The following ZNF592 variants were observed in gnomAD, a reference collection of about 807,000 sequenced individuals.
ZNF592 encodes spinocerebellar ataxia, autosomal recessive 5.
Under a neutral mutation model 80.3 loss-of-function variants are expected in ZNF592, and 11 were observed. That is an observed-to-expected ratio of 0.14 (90% CI 0.09 to 0.23). The LOEUF (loss-of-function observed/expected upper bound fraction) is 0.23, where lower values mean the gene tolerates loss of function less well. ZNF592 is among the 10% of genes least tolerant of loss of function. The probability of loss-of-function intolerance (pLI) is 1.00; values close to 1 mark genes in which losing one functional copy is unlikely to be tolerated. For missense variants in ZNF592, 1,420 were observed against 1,633.9 expected, an observed-to-expected ratio of 0.87 and a Z score of 2.26; for synonymous variants, 646 against 640.3, an observed-to-expected ratio of 1.01 and a Z score of -0.13.
chr15:84,786,834 T>TA (rs1238790515), intron 4 of ZNF592, among the ~76,000 whole-genome samples: 1 of 148,508 alleles, frequency 6.7e-6, no homozygotes, highest in Admixed American at 6.7e-5. Flanking sequence ...CACTGGTCCT[T>TA]ACGTATCTTT....
At chr15:84,768,608 G>T (rs1434467352) in intron 2 of ZNF592, among the ~76,000 whole-genome samples, 1 of 152,012 alleles carries the variant, frequency 6.6e-6, no homozygotes, top group Non-Finnish European at 1.5e-5. Flanking sequence ...CTCAGAGCTA[G>T]CCTTTTCTTT....
intron 5 of ZNF592, among the ~76,000 whole-genome samples, chr15:84,791,233 T>C (rs1287869118): frequency 6.6e-6 from 1 of 152,234 alleles, no homozygotes; most frequent in African/African-American, 2.4e-5. Context: ...GTTTCAATAA[T>C]GAATGTACTA....
In ZNF592 at chr15:84,798,052, G is replaced by A. The variant is rs566823745; in HGVS notation, c.2576+7G>A. Reference sequence around the variant, plus strand: ...AGCCCCACAGACCCTCCCAGTGAGTGCAGCTCCAGGGCCAGCAGGCCCTGT... The same window carrying A: ...AGCCCCACAGACCCTCCCAGTGAGTACAGCTCCAGGGCCAGCAGGCCCTGT... On this transcript the variant is annotated splice_region_variant and intron_variant, in intron 6 of 10. Transcript: ENST00000560079. The surrounding 1 kb of genome is among the most constrained non-coding windows in gnomAD (Gnocchi z 4.5). 3 of 1,613,536 alleles carry A rather than the reference G, an allele frequency of 1.9e-6. No individual in the cohort carries two copies. The South Asian group carries it at 3.3e-5, about 18-fold the overall frequency.
intron 1 of ZNF592, 107 bp from the exon 2 acceptor site, chr15:84,764,596 TCTTA>T: frequency 2.6e-6 from 1 of 390,908 alleles, no homozygotes; most frequent in Non-Finnish European, 4.5e-6. Flanking sequence ...TTTCTCAGGG[TCTTA>T]CTTACACTTG....
chr15:84,751,967 G>T (rs970760461), intron 1 of ZNF592, among the ~76,000 whole-genome samples: 23 of 151,994 alleles, frequency 1.5e-4, no homozygotes, highest in African/African-American at 5.6e-4. Context: ...TCACTATGCT[G>T]CCCAGGCTGG....
In ZNF592 at chr15:84,804,376, T is replaced by C. The variant is rs1457601740; in HGVS notation, c.*1983T>C. 1 of 152,226 alleles carries C rather than the reference T, an allele frequency of 6.6e-6. No homozygotes were observed. Among genetic ancestry groups the C allele is most frequent in the Non-Finnish European group, 1.5e-5 (1 of 68,060 alleles). 9.4% of individuals were successfully genotyped at this position (152,226 alleles called of 1,614,324 possible). A position where few individuals can be genotyped will look rare whatever the true frequency, so the allele number is the denominator to read the frequency against. On this transcript the variant is annotated 3_prime_UTR_variant, in exon 11 of 11. Coordinates refer to ENST00000560079, the MANE Select transcript of ZNF592 (RefSeq NM_014630.3). Reference sequence around the variant, plus strand: ...TGGATCCCTTCCTGCTCAGACACAGTGGTAGCTGGAGAGCAGGCAGAGATG... The same window carrying C: ...TGGATCCCTTCCTGCTCAGACACAGCGGTAGCTGGAGAGCAGGCAGAGATG...
intron 5 of ZNF592, among the ~76,000 whole-genome samples, chr15:84,794,443 T>A (rs982853256): frequency 2.0e-5 from 3 of 152,096 alleles, no homozygotes; most frequent in Non-Finnish European, 4.4e-5. Flanking sequence ...GTTTCCCTGA[T>A]GGTTAACGGT....
At chr15:84,765,983 G>A (rs1432473686) in intron 2 of ZNF592, among the ~76,000 whole-genome samples, 1 of 150,984 alleles carries the variant, frequency 6.6e-6, no homozygotes, top group African/African-American at 2.4e-5. Context: ...CTCAGATTCG[G>A]TAGTTATCAA....
chr15:84,783,982 G>T lies in ZNF592; in HGVS notation c.1307G>T (p.Gly436Val). Residue 436 changes from glycine to valine, a missense_variant, in exon 4 of 11, where the codon GGC becomes GTC. Physicochemically the swap from Gly to Val is moderately radical, Grantham distance 109. Transcript: ENST00000560079. The surrounding 1 kb of genome is among the most constrained non-coding windows in gnomAD (Gnocchi z 5.0). ...VPVEEHFPEA[G>V]TNSGSPQGAR... is the part of the protein sequence containing the mutation. The stretch of plus-strand genomic sequence containing the variant: ...GTGGAAGAGCACTTTCCTGAGGCAG[G>T]CACAAATTCAGGGAGCCCCCAGGGG... 1 of 1,612,178 alleles carries T rather than the reference G, an allele frequency of 6.2e-7. No homozygotes were observed. The highest frequency in any genetic ancestry group is 8.5e-7 in the Non-Finnish European group (1 of 1,178,470).
chr15:84,797,741 G>A (rs1962958152), intron 5 of ZNF592, 128 bp from the exon 6 acceptor site: 1 of 1,083,698 alleles, frequency 9.2e-7, no homozygotes, highest in Admixed American at 1.8e-5. Flanking sequence ...AAGTCCAAGT[G>A]ATTGAGGGAG....
At chr15:84,750,699 G>C (rs72630463) in intron 1 of ZNF592, among the ~76,000 whole-genome samples, 1 of 152,032 alleles carries the variant, frequency 6.6e-6, no homozygotes, top group East Asian at 1.9e-4. Flanking sequence ...TGAGTTGGGG[G>C]CTCAGGGAAG....
chr15:84,783,903 C>G lies in ZNF592; in HGVS notation c.1228C>G (p.Leu410Val). 1 of 1,614,178 alleles carries G rather than the reference C, an allele frequency of 6.2e-7. No individual in the cohort carries two copies. Among genetic ancestry groups the G allele is most frequent in the Non-Finnish European group, 8.5e-7 (1 of 1,180,008 alleles). ...DPSKSPVGSP[L>V]GSAIAEAPSE... Reference sequence around the variant, plus strand: ...AAGTAAGTCCCCTGTTGGGTCACCTCTAGGGAGCGCCATTGCAGAGGCCCC... The same window carrying G: ...AAGTAAGTCCCCTGTTGGGTCACCTGTAGGGAGCGCCATTGCAGAGGCCCC... The change falls in exon 4 of 11, where the codon CTA becomes GTA. Residue 410 changes from leucine to valine, a missense_variant. Physicochemically the swap from Leu to Val is conservative, Grantham distance 32. Around this residue, in one of 7 missense-constraint regions of ZNF592, gnomAD observed 524 missense variants for 628.3 expected, o/e 0.83. Transcript: ENST00000560079. This position sits in a 1 kb window ranked among gnomAD's most constrained non-coding sequence, Gnocchi z 5.0.
intron 2 of ZNF592, among the ~76,000 whole-genome samples, chr15:84,773,655 C>T (rs1276298056): frequency 6.6e-6 from 1 of 151,936 alleles, no homozygotes; most frequent in South Asian, 2.1e-4. Flanking sequence ...AAAATACTGC[C>T]CTCTTCTCTC....
chr15:84,778,827 G>A (rs1170888216), intron 3 of ZNF592, among the ~76,000 whole-genome samples: 1 of 152,200 alleles, frequency 6.6e-6, no homozygotes, highest in Non-Finnish European at 1.5e-5. Flanking sequence ...TCGGAAGAAT[G>A]GCGTGTGCAT....
rs931827170 is a variant in ZNF592 at position 84,803,971 on chromosome 15, A to G, written c.*1578A>G. On this transcript the variant is annotated 3_prime_UTR_variant, in exon 11 of 11. Transcript: ENST00000560079. ...TCTTTCAAGGAGGCATTAAATATCA[A>G]TTATAAATTATTAAGTCAGATAAAT... is the stretch of plus-strand genomic sequence containing the variant. The G allele has an allele frequency of 5.3e-5, 8 of 152,240 alleles. No individual in the cohort carries two copies. The highest frequency in any genetic ancestry group is 1.7e-4 in the African/African-American group (7 of 41,470). The allele number at this position is 152,240 out of a possible 1,614,324, so 9.4% of individuals were successfully genotyped here.
In ZNF592 at chr15:84,784,471, A is replaced by G; in HGVS notation, c.1796A>G (p.Glu599Gly). 1.2e-6 allele frequency: 2 copies of G among 1,614,170 alleles called. No homozygotes were observed. The highest frequency in any genetic ancestry group is 2.2e-5 in the South Asian group (2 of 91,080). ...GAGTGTGGAGACGCATTTGCCTTAG[A>G]GAAGAGCCTGAGCCAGCACTATGGC... ...CLECGDAFAL[E>G]KSLSQHYGRR... The change falls in exon 4 of 11, where the codon GAG (glutamate) becomes GGG (glycine). Residue 599 changes from glutamate to glycine, a missense_variant. Around this residue, in one of 7 missense-constraint regions of ZNF592, gnomAD observed 524 missense variants for 628.3 expected, o/e 0.83. Transcript: ENST00000560079. The surrounding 1 kb of genome is among the most constrained non-coding windows in gnomAD (Gnocchi z 5.8).
At chr15:84,766,053 A>G (rs191936568) in intron 2 of ZNF592, among the ~76,000 whole-genome samples, 1,983 of 147,322 alleles carry the variant, frequency 0.013, 31 homozygotes, top group Non-Finnish European at 0.02. Context: ...TCACTCTGTC[A>G]CCCAAGCTGG....
At chr15:84,760,237 C>A (rs1298189504) in intron 1 of ZNF592, among the ~76,000 whole-genome samples, 1 of 152,122 alleles carries the variant, frequency 6.6e-6, no homozygotes, top group African/African-American at 2.4e-5. Context: ...AGTCAAAGAC[C>A]TAGCAATGGC....
chr15:84,789,911 C>T (rs1165451176), intron 4 of ZNF592, among the ~76,000 whole-genome samples: 1 of 152,148 alleles, frequency 6.6e-6, no homozygotes, highest in African/African-American at 2.4e-5. Context: ...TTACTTTTTC[C>T]CTCTGGGCTG....
Sources: allele counts gnomAD v4.1 joint callset (sites outside exome capture counted in the v4.1 genomes callset), GRCh38; gene constraint gnomAD v4.1.1; regional missense constraint gnomAD v4.1.1; non-coding constraint Gnocchi (gnomAD v3.1); transcripts MANE v1.5; gene names NCBI Gene and HGNC (gene_info 2026-07-23, HGNC 2026-07-21).